PRR16: variants seen among roughly 807,000 people sequenced by gnomAD.
The protein encoded by PRR16 is protein Largen.
In PRR16, 6 loss-of-function variants were observed where a neutral mutation model predicts 18.2. The observed-to-expected ratio is 0.33, with a 90% confidence interval of 0.18 to 0.65. PRR16 has a LOEUF of 0.65. PRR16 is among the 30% of genes least tolerant of loss of function. The pLI is 0.74. For synonymous variants in PRR16, 151 were observed against 147.8 expected (o/e 1.02, Z -0.16); for missense variants, 412 against 376.6 (o/e 1.09, Z -0.78).
the PRR16 span, among the ~76,000 whole-genome samples, chr5:120,778,177 T>C: frequency 1.3e-5 from 2 of 152,062 alleles, no homozygotes; most frequent in South Asian, 2.1e-4. Flanking sequence ...ACAAGAATAA[T>C]AGGTGTTAAA....
chr5:120,468,501 C>G (rs1749172823), intron 1 of PRR16, among the ~76,000 whole-genome samples: 1 of 152,066 alleles, frequency 6.6e-6, no homozygotes, highest in Admixed American at 6.6e-5. Flanking sequence ...TGGTGAAACT[C>G]TAGAGTTTTA....
At chr5:120,708,669 T>C in the PRR16 span, among the ~76,000 whole-genome samples, 4 of 152,262 alleles carry the variant, frequency 2.6e-5, no homozygotes, top group South Asian at 6.2e-4. Context: ...TAAAGAAAGA[T>C]ATTTGTGGAT....
the PRR16 span, among the ~76,000 whole-genome samples, chr5:120,779,499 G>A: frequency 6.6e-6 from 1 of 152,060 alleles, no homozygotes; most frequent in Non-Finnish European, 1.5e-5. Flanking sequence ...AAACATCCTT[G>A]TTTTATATAG....
intron 1 of PRR16, among the ~76,000 whole-genome samples, chr5:120,519,168 C>A (rs1751092801): frequency 6.6e-6 from 1 of 151,926 alleles, no homozygotes; most frequent in African/African-American, 2.4e-5. Flanking sequence ...GACCCTAGGA[C>A]ATGAAAGACA....
chr5:120,714,323 A>G, the PRR16 span, among the ~76,000 whole-genome samples: 7 of 152,322 alleles, frequency 4.6e-5, no homozygotes, highest in Non-Finnish European at 1.0e-4. Flanking sequence ...ACCTTTTGCC[A>G]ACATTGACTT....
chr5:120,775,252 C>T, the PRR16 span, among the ~76,000 whole-genome samples: 1 of 152,106 alleles, frequency 6.6e-6, no homozygotes, highest in Non-Finnish European at 1.5e-5. Context: ...ATAGCATATA[C>T]TATACAGTTA....
At chr5:120,651,085 T>C (rs1449469205) in intron 1 of PRR16, among the ~76,000 whole-genome samples, 2 of 152,234 alleles carry the variant, frequency 1.3e-5, no homozygotes, top group Admixed American at 1.3e-4. Context: ...CCAGTGATGA[T>C]GAGCATTTTT....
Position 120,478,190 on chromosome 5 carries a change from A to G in PRR16, c.159+13545A>G, listed in dbSNP as rs149439073. 2.7e-3 allele frequency among the ~76,000 whole-genome samples: 418 copies of G among 152,234 alleles called. 2 individuals are homozygous for G. The highest frequency in any genetic ancestry group is 9.7e-3 in the African/African-American group (403 of 41,526). ...TTTCAGCTCTAAACTCATCCTTCCA[A>G]AGTTCTCAAGGATCAAAGCTATTAC... On this transcript the variant is annotated intron_variant, in intron 1 of 1. Transcript: ENST00000407149.
intron 1 of PRR16, among the ~76,000 whole-genome samples, chr5:120,517,732 G>A (rs1751044696): frequency 6.6e-6 from 1 of 152,084 alleles, no homozygotes; most frequent in Non-Finnish European, 1.5e-5. Flanking sequence ...GGGAAAACTT[G>A]GCTTTATATC....
intron 1 of PRR16, among the ~76,000 whole-genome samples, chr5:120,636,639 A>G (rs1409207399): frequency 6.6e-6 from 1 of 152,100 alleles, no homozygotes; most frequent in African/African-American, 2.4e-5. Context: ...AACTCACAAT[A>G]GATCAAAGAC....
chr5:120,692,516 C>G, the PRR16 span, among the ~76,000 whole-genome samples: 1 of 152,140 alleles, frequency 6.6e-6, no homozygotes, highest in African/African-American at 2.4e-5. Context: ...CTTTGACGCC[C>G]TTGCATGTGT....
the PRR16 span, among the ~76,000 whole-genome samples, chr5:120,723,013 TATTAAA>T: frequency 6.6e-6 from 1 of 151,750 alleles, no homozygotes; most frequent in Admixed American, 6.6e-5. Context: ...TTTTAACAAA[TATTAAA>T]ATTTTTTAAT....
chr5:120,736,789 G>C, the PRR16 span, among the ~76,000 whole-genome samples: 1 of 151,828 alleles, frequency 6.6e-6, no homozygotes, highest in Admixed American at 6.6e-5. Flanking sequence ...ATAGTTTTTA[G>C]TGCATAAGTC....
At chr5:120,786,290 T>A in the PRR16 span, among the ~76,000 whole-genome samples, 1 of 151,688 alleles carries the variant, frequency 6.6e-6, no homozygotes, top group Admixed American at 6.6e-5. Flanking sequence ...AGTTTTATTT[T>A]CATGGAAACC....
the PRR16 span, among the ~76,000 whole-genome samples, chr5:120,754,471 A>G: frequency 8.9e-4 from 76 of 85,322 alleles, 1 homozygote; most frequent in Middle Eastern, 0.018. Flanking sequence ...AGTATATAGT[A>G]TATATTATAT....
chr5:120,675,754 G>A (rs1384135629), intron 1 of PRR16, among the ~76,000 whole-genome samples: 1 of 152,080 alleles, frequency 6.6e-6, no homozygotes, highest in Non-Finnish European at 1.5e-5. Flanking sequence ...AATAGTACTT[G>A]CACAATAAAT....
At chr5:120,532,187 G>A (rs1355178438) in intron 1 of PRR16, among the ~76,000 whole-genome samples, 3 of 152,220 alleles carry the variant, frequency 2.0e-5, no homozygotes, top group African/African-American at 7.2e-5. Flanking sequence ...TCTTAGGCAT[G>A]ATTACACAGA....
chr5:120,530,572 T>C (rs1229283372), intron 1 of PRR16, among the ~76,000 whole-genome samples: 1 of 151,986 alleles, frequency 6.6e-6, no homozygotes, highest in Non-Finnish European at 1.5e-5. Flanking sequence ...TCTTAACTAG[T>C]TAAAAAATTA....
At chr5:120,613,863 T>C (rs1754417093) in intron 1 of PRR16, among the ~76,000 whole-genome samples, 1 of 152,218 alleles carries the variant, frequency 6.6e-6, no homozygotes, top group Non-Finnish European at 1.5e-5. Context: ...AGCTGAGCTT[T>C]AGTTGTGTTT....
Sources: allele counts gnomAD v4.1 joint callset (sites outside exome capture counted in the v4.1 genomes callset), GRCh38; gene constraint gnomAD v4.1.1; transcripts MANE v1.5; gene names NCBI Gene and HGNC (gene_info 2026-07-23, HGNC 2026-07-21).